SLC12A8: variants seen among roughly 807,000 people sequenced by gnomAD.
SLC12A8 encodes solute carrier family 12 member 8.
In SLC12A8, 69 loss-of-function variants were observed where a neutral mutation model predicts 75.6. That is an observed-to-expected ratio of 0.91 (90% CI 0.75 to 1.11). The LOEUF (loss-of-function observed/expected upper bound fraction) is 1.11, where lower values mean the gene tolerates loss of function less well. Ranked by LOEUF, SLC12A8 falls within the 50% of genes most tolerant of loss-of-function variation. The probability of loss-of-function intolerance (pLI) is 0.00; values close to 1 mark genes in which losing one functional copy is unlikely to be tolerated. For missense variants in SLC12A8, 877 were observed against 896.7 expected (o/e 0.98, Z 0.28); for synonymous variants, 365 against 372.8 (o/e 0.98, Z 0.24).
At chr3:125,204,398 A>C (rs375779894) in intron 2 of SLC12A8, among the ~76,000 whole-genome samples, 22 of 152,390 alleles carry the variant, frequency 1.4e-4, no homozygotes, top group African/African-American at 5.3e-4. Flanking sequence ...CTATTTAGCC[A>C]TAAAAATGAA....
At chr3:125,087,364 A>T (rs1482636191) in intron 13 of SLC12A8, among the ~76,000 whole-genome samples, 3 of 152,152 alleles carry the variant, frequency 2.0e-5, no homozygotes, top group Non-Finnish European at 4.4e-5. Flanking sequence ...AAGTGCTGAG[A>T]TTACAGGCGT....
intron 6 of SLC12A8, among the ~76,000 whole-genome samples, chr3:125,127,165 C>T (rs1159926016): frequency 6.6e-6 from 1 of 152,238 alleles, no homozygotes; most frequent in Non-Finnish European, 1.5e-5. Context: ...CTTCTGATTT[C>T]CAAACCCCAT....
At chr3:125,108,679 C>T (rs1179068942) in intron 9 of SLC12A8, among the ~76,000 whole-genome samples, 1 of 152,198 alleles carries the variant, frequency 6.6e-6, no homozygotes, top group Non-Finnish European at 1.5e-5. Context: ...ATAGGAATAA[C>T]TATGAACATG....
chr3:125,141,990 C>G (rs899434301), intron 5 of SLC12A8, among the ~76,000 whole-genome samples: 9 of 152,162 alleles, frequency 5.9e-5, no homozygotes, highest in Non-Finnish European at 1.3e-4. Context: ...TGGTAGGCCC[C>G]GGAGACTGCG....
chr3:125,211,342 T>G lies in SLC12A8; in HGVS notation c.8A>C (p.Gln3Pro), dbSNP rs767689249. 1.9e-6 allele frequency: 3 copies of G among 1,613,736 alleles called. No individual in the cohort carries two copies. The highest frequency in any genetic ancestry group is 2.5e-6 in the Non-Finnish European group (3 of 1,179,892). MT[Q>P]MSQVQELFHE... ...GAAGAGCTCCTGCACCTGGGACATC[T>G]GGGTCATTCTCCAGCAAGCAGGGAT... The change falls in exon 2 of 14, where the codon CAG (glutamine) becomes CCG (proline). Residue 3 changes from glutamine to proline, a missense_variant. Transcript: ENST00000469902.
rs373242490 is a variant in SLC12A8 at position 125,110,236 on chromosome 3, T to C, written c.1012A>G (p.Ile338Val). Residue 338 changes from isoleucine to valine, a missense_variant, in exon 9 of 14, where the codon ATT becomes GTT. Physicochemically the swap from Ile to Val is conservative, Grantham distance 29. Transcript: ENST00000469902. ...GCAGGGATCACTTTCTCCTGGGCAA[T>C]GCACTGCAGGATGCGGGGAGCTCCA... ...LYGAPRILQC[I>V]AQEKVIPALA... is the part of the protein sequence containing the mutation. 1.4e-4 allele frequency: 234 copies of C among 1,613,980 alleles called. 1 individual carries two copies. The highest frequency in any genetic ancestry group is 1.8e-4 in the Non-Finnish European group (211 of 1,179,914).
intron 4 of SLC12A8, among the ~76,000 whole-genome samples, chr3:125,182,593 G>A (rs1336858422): frequency 6.6e-6 from 1 of 150,648 alleles, no homozygotes; most frequent in African/African-American, 2.4e-5. Flanking sequence ...TGCAACCTCT[G>A]CCTCCTGGGT....
intron 2 of SLC12A8, among the ~76,000 whole-genome samples, chr3:125,191,315 C>T (rs140437463): frequency 6.6e-6 from 1 of 152,254 alleles, no homozygotes; most frequent in East Asian, 1.9e-4. Flanking sequence ...AAACCCTTTA[C>T]TAAAAAAACC....
intron 13 of SLC12A8, among the ~76,000 whole-genome samples, chr3:125,087,156 A>T (rs1165612978): frequency 6.9e-6 from 1 of 145,194 alleles, no homozygotes; most frequent in Non-Finnish European, 1.5e-5. Context: ...GTTCAGTGGC[A>T]CGATCCCGGC....
At chr3:125,158,146 G>A (rs1000008649) in intron 5 of SLC12A8, among the ~76,000 whole-genome samples, 3 of 151,980 alleles carry the variant, frequency 2.0e-5, no homozygotes, top group Admixed American at 6.5e-5. Context: ...TTCAATCTAA[G>A]GTTTCATTTC....
At chr3:125,198,780 ATT>A (rs111474323) in intron 2 of SLC12A8, among the ~76,000 whole-genome samples, 126 of 141,798 alleles carry the variant, frequency 8.9e-4, no homozygotes, top group Admixed American at 9.1e-4. Context: ...AGACAATAGG[ATT>A]TTTTTTTTTT....
intron 7 of SLC12A8, 177 bp from the exon 8 acceptor site, chr3:125,119,033 G>A: frequency 2.1e-6 from 1 of 482,744 alleles, no homozygotes; most frequent in East Asian, 3.5e-5. Context: ...TTCTCTTCTG[G>A]CATATTTCTT....
chr3:125,137,062 G>A (rs1325740800), intron 5 of SLC12A8, among the ~76,000 whole-genome samples: 1 of 152,110 alleles, frequency 6.6e-6, no homozygotes, highest in Non-Finnish European at 1.5e-5. Context: ...GCCAACCCTA[G>A]GGTTTCAGGG....
chr3:125,197,925 C>G (rs1935036724), intron 2 of SLC12A8, among the ~76,000 whole-genome samples: 1 of 152,164 alleles, frequency 6.6e-6, no homozygotes, highest in Non-Finnish European at 1.5e-5. Flanking sequence ...TCTATAGTCT[C>G]AAAGCATCTA....
intron 5 of SLC12A8, among the ~76,000 whole-genome samples, chr3:125,147,454 A>G: frequency 6.6e-6 from 1 of 152,154 alleles, no homozygotes; most frequent in East Asian, 1.9e-4. Flanking sequence ...TTCCTTTGCA[A>G]GCCGTTGTGT....
chr3:125,194,862 G>T (rs1934975671), intron 2 of SLC12A8, among the ~76,000 whole-genome samples: 1 of 152,262 alleles, frequency 6.6e-6, no homozygotes, highest in Non-Finnish European at 1.5e-5. Flanking sequence ...AAACATCAGA[G>T]AATATACCCA....
intron 2 of SLC12A8, among the ~76,000 whole-genome samples, chr3:125,194,577 C>T (rs1213341124): frequency 6.6e-6 from 1 of 152,154 alleles, no homozygotes; most frequent in African/African-American, 2.4e-5. Flanking sequence ...TGAGCTCAGC[C>T]CCAGAAGCCT....
chr3:125,177,673 C>T (rs1168157963), intron 5 of SLC12A8, 70 bp downstream of exon 5: 7 of 1,313,602 alleles, frequency 5.3e-6, no homozygotes, highest in South Asian at 1.2e-5. Context: ...GGTGGGCAAA[C>T]TCACACCTAC....
At chr3:125,208,791 C>CACACACACACAGAG (rs1368605617) in intron 2 of SLC12A8, among the ~76,000 whole-genome samples, 2 of 84,182 alleles carry the variant, frequency 2.4e-5, no homozygotes, top group Non-Finnish European at 4.7e-5. Flanking sequence ...CACACACACA[C>CACACACACACAGAG]AGAGAGAGAG....
Sources: allele counts gnomAD v4.1 joint callset (sites outside exome capture counted in the v4.1 genomes callset), GRCh38; gene constraint gnomAD v4.1.1; transcripts MANE v1.5; gene names NCBI Gene and HGNC (gene_info 2026-07-23, HGNC 2026-07-21).